SPIRE2: variants seen among roughly 807,000 people sequenced by gnomAD.
SPIRE2 encodes protein spire homolog 2.
SPIRE2 carries 76 observed loss-of-function variants against 80.7 expected under a neutral mutation model. That is an observed-to-expected ratio of 0.94 (90% CI 0.78 to 1.14). SPIRE2 has a LOEUF of 1.14. Ranked by LOEUF, SPIRE2 falls within the 50% of genes most tolerant of loss-of-function variation. The pLI, the probability that SPIRE2 is intolerant of heterozygous loss-of-function variation, is 0.00. For synonymous variants in SPIRE2, 535 were observed against 432.6 expected, an observed-to-expected ratio of 1.24 and a Z score of -2.94; for missense variants, 1,196 against 1,015.3, an observed-to-expected ratio of 1.18 and a Z score of -2.42.
chr16:89,867,113 GT>G (rs906169336), intron 12 of SPIRE2, among the ~76,000 whole-genome samples: 115 of 148,342 alleles, frequency 7.8e-4, no homozygotes, highest in Middle Eastern at 3.5e-3. Context: ...CAGTGTGCAA[GT>G]TTTTTTTTTG....
chr16:89,849,967 A>C (rs928077234), intron 2 of SPIRE2: 3 of 397,466 alleles, frequency 7.5e-6, no homozygotes, highest in Non-Finnish European at 1.4e-5. Context: ...CCTCCCAAGT[A>C]AATGGGATTT....
intron 1 of SPIRE2, among the ~76,000 whole-genome samples, chr16:89,832,635 G>A (rs1310052456): frequency 6.6e-6 from 1 of 152,056 alleles, no homozygotes. Flanking sequence ...GGCACCCTCG[G>A]AGCTCAGGCC....
intron 14 of SPIRE2, 69 bp downstream of exon 14, chr16:89,869,751 G>T: frequency 8.1e-7 from 1 of 1,235,340 alleles, no homozygotes; most frequent in East Asian, 2.3e-5. Flanking sequence ...GGGAGCTGGG[G>T]TGGAGGGGGC....
chr16:89,865,688 G>A (rs2143828855), intron 12 of SPIRE2, among the ~76,000 whole-genome samples: 1 of 152,218 alleles, frequency 6.6e-6, no homozygotes, highest in African/African-American at 2.4e-5. Flanking sequence ...AGTAAGGCTG[G>A]GCCGGGCGCG....
At chr16:89,855,534 T>C in intron 5 of SPIRE2, 66 bp from the exon 6 acceptor site, 1 of 1,437,374 alleles carries the variant, frequency 7.0e-7, no homozygotes, top group Non-Finnish European at 9.7e-7. Flanking sequence ...TGAGCAGGCC[T>C]CTCCCAGTCG....
chr16:89,835,259 T>A (rs1001798996), intron 1 of SPIRE2, among the ~76,000 whole-genome samples: 3 of 152,230 alleles, frequency 2.0e-5, no homozygotes, highest in Admixed American at 6.5e-5. Flanking sequence ...CCCGTGTGAT[T>A]TTTCGCTGAG....
At chr16:89,858,211 G>C in intron 7 of SPIRE2, 127 bp from the exon 8 acceptor site, 1 of 1,017,332 alleles carries the variant, frequency 9.8e-7, no homozygotes, top group Non-Finnish European at 1.4e-6. Flanking sequence ...TAAATGGCTG[G>C]CTAGCCCTCA....
At chr16:89,829,485 T>C (rs2041358839) in intron 1 of SPIRE2, among the ~76,000 whole-genome samples, 1 of 152,222 alleles carries the variant, frequency 6.6e-6, no homozygotes, top group African/African-American at 2.4e-5. Context: ...GAGCATGTGA[T>C]ATGACCCCAA....
chr16:89,863,633 C>T lies in SPIRE2; in HGVS notation c.1710+23C>T. ...AAGGTGAGGCTGCCTAGACGTGGGG[C>T]TACGCTCTTGCCCGCTGGGTCAGGG... On this transcript the variant is annotated intron_variant, in intron 11 of 14. Coordinates refer to ENST00000378247, the MANE Select transcript of SPIRE2 (RefSeq NM_032451.2). This position sits in a 1 kb window ranked among gnomAD's most constrained non-coding sequence, Gnocchi z 4.3. 1 of 1,614,032 alleles carries T rather than the reference C, an allele frequency of 6.2e-7. No individual in the cohort carries two copies. The highest frequency in any genetic ancestry group is 8.5e-7 in the Non-Finnish European group (1 of 1,180,008).
chr16:89,840,245 CTTTTTTTTTTT>C (rs778083127), intron 1 of SPIRE2, among the ~76,000 whole-genome samples: 2 of 133,272 alleles, frequency 1.5e-5, no homozygotes, highest in Non-Finnish European at 3.2e-5. Context: ...AACCTGTCAT[CTTTTTTTTTTT>C]TTTTTTTTTT....
chr16:89,860,598 C>A, intron 9 of SPIRE2, 85 bp from the exon 10 acceptor site: 1 of 931,400 alleles, frequency 1.1e-6, no homozygotes, highest in Non-Finnish European at 1.7e-6. Context: ...TGGAGCCCTC[C>A]ACCATCTCTA....
chr16:89,837,922 TG>T (rs984243631), intron 1 of SPIRE2, among the ~76,000 whole-genome samples: 5 of 152,372 alleles, frequency 3.3e-5, no homozygotes, highest in African/African-American at 9.6e-5. Context: ...GAGCAGGCTC[TG>T]TTTGCTAAAC....
chr16:89,833,641 G>A (rs1034961783), intron 1 of SPIRE2, among the ~76,000 whole-genome samples: 4 of 152,208 alleles, frequency 2.6e-5, no homozygotes, highest in Admixed American at 6.5e-5. Flanking sequence ...GAGGTGCAGC[G>A]TGGTGCTAAC....
chr16:89,838,247 A>G (rs911466932), intron 1 of SPIRE2, among the ~76,000 whole-genome samples: 10 of 146,526 alleles, frequency 6.8e-5, no homozygotes, highest in South Asian at 2.1e-4. Flanking sequence ...TAGTGGTGCA[A>G]TCTCAGCTCA....
At chr16:89,868,122 C>A in intron 12 of SPIRE2, 67 bp from the exon 13 acceptor site, 1 of 1,584,904 alleles carries the variant, frequency 6.3e-7, no homozygotes, top group Non-Finnish European at 8.7e-7. Context: ...GGCCGGGATG[C>A]GACTGTTTCT....
intron 14 of SPIRE2, 85 bp downstream of exon 14, chr16:89,869,767 TTGTC>T: frequency 4.8e-6 from 5 of 1,045,482 alleles, no homozygotes; most frequent in Non-Finnish European, 7.3e-6. Context: ...GGGGCTGGCT[TTGTC>T]TGTTTGCTAG....
intron 2 of SPIRE2, chr16:89,846,810 C>CAT (rs1555593978): frequency 8.6e-6 from 1 of 116,720 alleles, no homozygotes; most frequent in African/African-American, 3.4e-5. Context: ...CACGCCCAGC[C>CAT]TTTTTTTTTT....
chr16:89,855,004 C>A (rs12596441), intron 5 of SPIRE2, among the ~76,000 whole-genome samples: 1 of 151,758 alleles, frequency 6.6e-6, no homozygotes, highest in African/African-American at 2.4e-5. Context: ...AATGGTGCGA[C>A]CTTGGCTCAC....
chr16:89,869,285 C>T (rs934235558), intron 13 of SPIRE2, among the ~76,000 whole-genome samples: 2 of 151,516 alleles, frequency 1.3e-5, no homozygotes, highest in African/African-American at 2.4e-5. Flanking sequence ...GAGCCCCTGT[C>T]CAGATGAGCA....
Sources: allele counts gnomAD v4.1 joint callset (sites outside exome capture counted in the v4.1 genomes callset), GRCh38; gene constraint gnomAD v4.1.1; non-coding constraint Gnocchi (gnomAD v3.1); transcripts MANE v1.5; gene names NCBI Gene and HGNC (gene_info 2026-07-23, HGNC 2026-07-21).